PPP6R3: variants seen among roughly 807,000 people sequenced by gnomAD.
PPP6R3 encodes protein phosphatase 6 regulatory subunit 3, also known as serine/threonine-protein phosphatase 6 regulatory subunit 3.
Under a neutral mutation model 110.7 loss-of-function variants are expected in PPP6R3, and 38 were observed. That is an observed-to-expected ratio of 0.34 (90% CI 0.26 to 0.45). The LOEUF (loss-of-function observed/expected upper bound fraction) is 0.45. Among genes scored for constraint, PPP6R3 ranks in the 20% least tolerant of loss-of-function variants. The probability of loss-of-function intolerance (pLI) is 1.00; values close to 1 mark genes in which losing one functional copy is unlikely to be tolerated. For missense variants in PPP6R3, 870 were observed against 1,062.4 expected, an observed-to-expected ratio of 0.82 and a Z score of 2.52; for synonymous variants, 369 against 373.5, an observed-to-expected ratio of 0.99 and a Z score of 0.14.
chr11:68,466,938 G>A (rs1276058620), intron 1 of PPP6R3, among the ~76,000 whole-genome samples: 2 of 151,274 alleles, frequency 1.3e-5, no homozygotes, highest in Non-Finnish European at 3.0e-5. Flanking sequence ...AGTAGAGACG[G>A]GGTTTCACCG....
intron 5 of PPP6R3, among the ~76,000 whole-genome samples, chr11:68,549,669 C>T (rs1254152154): frequency 6.6e-6 from 1 of 152,082 alleles, no homozygotes; most frequent in Non-Finnish European, 1.5e-5. Context: ...TTGGAATTAT[C>T]ATAGGGAGAG....
At chr11:68,603,280 T>A in intron 21 of PPP6R3, 62 bp from the exon 22 acceptor site, 2 of 1,597,466 alleles carry the variant, frequency 1.3e-6, no homozygotes, top group Non-Finnish European at 1.7e-6. Context: ...GTTTGTACAG[T>A]GGTGGGGTGC....
At chr11:68,546,758 C>T (rs1346739569) in intron 4 of PPP6R3, among the ~76,000 whole-genome samples, 5 of 152,202 alleles carry the variant, frequency 3.3e-5, no homozygotes, top group African/African-American at 9.7e-5. Context: ...GTCAGCACCC[C>T]AGCGGGGTCA....
intron 4 of PPP6R3, among the ~76,000 whole-genome samples, chr11:68,546,357 C>T (rs2099349162): frequency 1.3e-5 from 2 of 152,174 alleles, no homozygotes; most frequent in Non-Finnish European, 2.9e-5. Flanking sequence ...CTTCATTGTG[C>T]TTTTTCTCCT....
chr11:68,570,689 C>A (rs2099500658), intron 11 of PPP6R3, among the ~76,000 whole-genome samples: 1 of 152,208 alleles, frequency 6.6e-6, no homozygotes, highest in Admixed American at 6.5e-5. Context: ...TTTGCCAAGG[C>A]ATAGTTTTCT....
chr11:68,520,165 T>A (rs2099157105), intron 2 of PPP6R3, among the ~76,000 whole-genome samples: 1 of 152,238 alleles, frequency 6.6e-6, no homozygotes, highest in South Asian at 2.1e-4. Flanking sequence ...TAGGAAGTGG[T>A]AGAAGTGGCG....
intron 19 of PPP6R3, among the ~76,000 whole-genome samples, chr11:68,599,472 C>T (rs1276514848): frequency 1.3e-5 from 2 of 152,216 alleles, no homozygotes; most frequent in African/African-American, 4.8e-5. Context: ...GCCTCTGAGG[C>T]CAGACCTGGT....
intron 8 of PPP6R3, among the ~76,000 whole-genome samples, chr11:68,562,018 G>A (rs905655727): frequency 6.7e-6 from 1 of 150,086 alleles, no homozygotes; most frequent in Admixed American, 6.7e-5. Context: ...CAGATGACAG[G>A]ATTGTCTTTG....
intron 2 of PPP6R3, among the ~76,000 whole-genome samples, chr11:68,527,400 C>T (rs545433489): frequency 4.6e-5 from 7 of 152,132 alleles, no homozygotes; most frequent in Admixed American, 2.6e-4. Context: ...GTCTTAGCAC[C>T]GTGACCAGTC....
chr11:68,566,040 A>G (rs1388748249), intron 9 of PPP6R3, among the ~76,000 whole-genome samples: 1 of 152,098 alleles, frequency 6.6e-6, no homozygotes. Flanking sequence ...AAAGTTAGGA[A>G]ATGTTCTGCT....
At chr11:68,477,741 A>AAAAAAAAAAAATATATAT in intron 1 of PPP6R3, among the ~76,000 whole-genome samples, 1 of 57,894 alleles carries the variant, frequency 1.7e-5, no homozygotes, top group African/African-American at 7.1e-5. Flanking sequence ...AAAAAAAAAA[A>AAAAAAAAAAAATATATAT]ATATATATAT....
At chr11:68,533,958 T>C (rs1183101857) in intron 2 of PPP6R3, among the ~76,000 whole-genome samples, 2 of 152,148 alleles carry the variant, frequency 1.3e-5, no homozygotes, top group African/African-American at 4.8e-5. Context: ...GGTGGCTTTC[T>C]TCCATATAGT....
chr11:68,600,997 C>T (rs1193681525), intron 20 of PPP6R3, among the ~76,000 whole-genome samples: 2 of 152,116 alleles, frequency 1.3e-5, no homozygotes, highest in Non-Finnish European at 2.9e-5. Flanking sequence ...ATTGGTAACT[C>T]GGAAGATAGG....
At chr11:68,608,234 TAAG>T (rs909351121) in intron 22 of PPP6R3, among the ~76,000 whole-genome samples, 1 of 152,054 alleles carries the variant, frequency 6.6e-6, no homozygotes, top group African/African-American at 2.4e-5. Context: ...TATAAACTAG[TAAG>T]AAGAAGAAAA....
At chr11:68,492,431 A>G (rs1242281842) in intron 1 of PPP6R3, among the ~76,000 whole-genome samples, 1 of 152,222 alleles carries the variant, frequency 6.6e-6, no homozygotes, top group African/African-American at 2.4e-5. Context: ...TTTCAGGCGT[A>G]AGCCACTGCG....
chr11:68,614,576 TAAA>T lies in PPP6R3; in HGVS notation c.*1461_*1463del. 1 of 1,506,880 alleles carries T rather than the reference TAAA, an allele frequency of 6.6e-7. No homozygotes were observed. The highest frequency in any genetic ancestry group is 1.4e-5 in the African/African-American group (1 of 70,222). 93.3% of individuals were successfully genotyped at this position (1,506,880 alleles called of 1,614,324 possible). On this transcript the variant is annotated 3_prime_UTR_variant, in exon 24 of 24. Transcript: ENST00000393800. ...CTAAACATTACATTGCATATGGAAA[TAAA>T]AGAATCAAACGTCTAATGCCTTATT...
At chr11:68,556,578 C>CTTT (rs2099400530) in intron 7 of PPP6R3, among the ~76,000 whole-genome samples, 1 of 150,396 alleles carries the variant, frequency 6.6e-6, no homozygotes, top group Non-Finnish European at 1.5e-5. Context: ...AGCCATTGTC[C>CTTT]CAAAGGCAGG....
intron 1 of PPP6R3, among the ~76,000 whole-genome samples, chr11:68,480,200 ACCAGT>A (rs2098895384): frequency 6.6e-6 from 1 of 152,178 alleles, no homozygotes; most frequent in Non-Finnish European, 1.5e-5. Flanking sequence ...TGTAGGTAAT[ACCAGT>A]GGTTGCATGC....
intron 16 of PPP6R3, 39 bp from the exon 17 acceptor site, chr11:68,590,621 A>G: frequency 6.6e-7 from 1 of 1,521,368 alleles, no homozygotes; most frequent in Non-Finnish European, 8.9e-7. Context: ...AGCTGATAGT[A>G]ATTAATGCTT....
Sources: allele counts gnomAD v4.1 joint callset (sites outside exome capture counted in the v4.1 genomes callset), GRCh38; gene constraint gnomAD v4.1.1; transcripts MANE v1.5; gene names NCBI Gene and HGNC (gene_info 2026-07-23, HGNC 2026-07-21).